GIT2: variants seen among roughly 807,000 people sequenced by gnomAD.
The protein encoded by GIT2 is GIT ArfGAP 2, also known as ARF GTPase-activating protein GIT2.
GIT2 carries 32 observed loss-of-function variants against 100.3 expected under a neutral mutation model. The observed-to-expected ratio is 0.32, with a 90% CI of 0.24 to 0.43. The LOEUF (loss-of-function observed/expected upper bound fraction) is 0.43. GIT2 is among the 20% of genes least tolerant of loss of function. The probability of loss-of-function intolerance (pLI) is 1.00; values close to 1 mark genes in which losing one functional copy is unlikely to be tolerated. For synonymous variants in GIT2, 353 were observed against 364.1 expected, an observed-to-expected ratio of 0.97 and a Z score of 0.35; for missense variants, 737 against 975.1, an observed-to-expected ratio of 0.76 and a Z score of 3.25.
At chr12:109,959,819 G>C (rs771327005) in intron 12 of GIT2, 28 bp downstream of exon 12, 8 of 1,343,454 alleles carry the variant, frequency 6.0e-6, no homozygotes, top group African/African-American at 1.4e-5. Context: ...GCCAAAAAAT[G>C]CAAGTGTTTG....
chr12:109,933,235 C>T lies in GIT2; in HGVS notation c.2068-45G>A, dbSNP rs376672294. ...CGTTTACCCTGAACTGCAGGGCAGA[C>T]ATCCAAAAGCAGGGGACAAACATTC... On this transcript the variant is annotated intron_variant, in intron 19 of 19. Transcript: ENST00000355312. This position sits in a 1 kb window ranked among gnomAD's most constrained non-coding sequence, Gnocchi z 4.5. 1.2e-4 allele frequency: 132 copies of T among 1,115,486 alleles called. No individual in the cohort carries two copies. The highest frequency in any genetic ancestry group is 1.7e-4 in the Non-Finnish European group (127 of 752,246). 69.1% of individuals were successfully genotyped at this position (1,115,486 alleles called of 1,614,324 possible).
intron 16 of GIT2, among the ~76,000 whole-genome samples, chr12:109,942,176 G>GGT (rs141974290): frequency 2.0e-5 from 3 of 151,748 alleles, no homozygotes; most frequent in Non-Finnish European, 2.9e-5. Flanking sequence ...CCCACACAGA[G>GGT]GTGTGTGTGT....
Position 109,933,247 on chromosome 12 carries a change from G to C in GIT2, c.2068-57C>G. ...ACTGCAGGGCAGACATCCAAAAGCA[G>C]GGGACAAACATTCTTCTAAAGCAAA... is the stretch of plus-strand genomic sequence containing the variant. On this transcript the variant is annotated intron_variant, in intron 19 of 19. Transcript: ENST00000355312. The surrounding 1 kb of genome is among the most constrained non-coding windows in gnomAD (Gnocchi z 4.5). 1.9e-6 allele frequency: 2 copies of C among 1,026,680 alleles called. No individual in the cohort carries two copies. Among genetic ancestry groups the C allele is most frequent in the Non-Finnish European group, 3.0e-6 (2 of 673,112 alleles). The allele number at this position is 1,026,680 out of a possible 1,614,324, so 63.6% of individuals were successfully genotyped here.
chr12:109,993,556 G>A (rs565224605), intron 1 of GIT2, among the ~76,000 whole-genome samples: 1 of 152,288 alleles, frequency 6.6e-6, no homozygotes, highest in East Asian at 1.9e-4. Flanking sequence ...TTACTTGAGT[G>A]TTTTCACCAT....
At chr12:109,985,199 C>T (rs1334111514) in intron 4 of GIT2, among the ~76,000 whole-genome samples, 1 of 152,038 alleles carries the variant, frequency 6.6e-6, no homozygotes, top group Non-Finnish European at 1.5e-5. Flanking sequence ...AACTCCTTGG[C>T]TCAAGCAACC....
At chr12:109,945,716 T>G (rs975653691) in intron 15 of GIT2, among the ~76,000 whole-genome samples, 4 of 152,240 alleles carry the variant, frequency 2.6e-5, no homozygotes, top group Non-Finnish European at 5.9e-5. Flanking sequence ...AATCTAATTT[T>G]TAGTACAATT....
Position 109,933,441 on chromosome 12 carries a change from G to T in GIT2, c.2068-251C>A. 2.5e-6 allele frequency: 1 copy of T among 397,780 alleles called. No individual in the cohort carries two copies. The highest frequency in any genetic ancestry group is 5.2e-5 in the South Asian group (1 of 19,190). 24.6% of individuals were successfully genotyped at this position (397,780 alleles called of 1,614,324 possible). Reference sequence around the variant, plus strand: ...TAGTAGTATGTGGTATTTTGAAGTAGTTTTTGAAAAATATTAATCCATGTG... The same window carrying T: ...TAGTAGTATGTGGTATTTTGAAGTATTTTTTGAAAAATATTAATCCATGTG... On this transcript the variant is annotated intron_variant, in intron 19 of 19. Transcript: ENST00000355312. The surrounding 1 kb of genome is among the most constrained non-coding windows in gnomAD (Gnocchi z 4.5).
Position 109,948,983 on chromosome 12 carries a change from T to G in GIT2, c.1393-1479A>C. ...AATTCCATATACTTTATATTAATCA[T>G]GCCAAACTGCTGTGAAAGTGTGACT... On this transcript the variant is annotated intron_variant, in intron 14 of 19. Transcript: ENST00000355312. This position sits in a 1 kb window ranked among gnomAD's most constrained non-coding sequence, Gnocchi z 4.3. 1.6e-6 allele frequency: 1 copy of G among 617,980 alleles called. No individual in the cohort carries two copies. The highest frequency in any genetic ancestry group is 2.8e-6 in the Non-Finnish European group (1 of 359,764). The allele number at this position is 617,980 out of a possible 1,614,324, so 38.3% of individuals were successfully genotyped here.
chr12:109,991,552 G>A, intron 2 of GIT2, 75 bp downstream of exon 2: 1 of 1,177,222 alleles, frequency 8.5e-7, no homozygotes, highest in South Asian at 1.3e-5. Context: ...AGTACACCAG[G>A]AGAAATTTAA....
intron 7 of GIT2, among the ~76,000 whole-genome samples, chr12:109,978,603 C>T (rs1566000416): frequency 6.6e-6 from 1 of 152,088 alleles, no homozygotes; most frequent in African/African-American, 2.4e-5. Flanking sequence ...AATTCATTGA[C>T]TTTCTTTGTC....
chr12:109,952,442 C>G (rs1323402845), intron 13 of GIT2: 10 of 514,462 alleles, frequency 1.9e-5, no homozygotes, highest in Admixed American at 1.6e-4. Flanking sequence ...CCAGAAGAGT[C>G]CTCCCCAGAC....
rs1333335870 is a variant in GIT2 at position 109,951,177 on chromosome 12, A to G, written c.1382T>C (p.Met461Thr). The G allele has an allele frequency of 6.2e-7, 1 of 1,613,730 alleles. No individual in the cohort carries two copies. The highest frequency in any genetic ancestry group is 8.5e-7 in the Non-Finnish European group (1 of 1,179,658). ...NNNLSDELRI[M>T]QKKLQTLQSE... ...TTATTAACATGTTACCTTTTTCTGC[A>G]TAATTCTCAGCTCGTCACTCAAGTT... The change falls in exon 14 of 20, where the codon ATG becomes ACG. Residue 461 changes from methionine (M) to threonine (T), a missense_variant. Transcript: ENST00000355312.
At position 109,968,711 on chromosome 12, in the gene GIT2, C is replaced by T. The variant is rs1057132213; in HGVS notation, c.719-1208G>A. ...GTGCTGGGATTACAGGTGTGAGCCA[C>T]TGTGCCCAGCTTATTTATTTATTTT... On this transcript the variant is annotated intron_variant, in intron 7 of 19. Transcript: ENST00000355312. 2.9e-4 allele frequency among the ~76,000 whole-genome samples: 44 copies of T among 151,868 alleles called. 1 individual carries two copies. The highest frequency in any genetic ancestry group is 5.9e-4 in the Non-Finnish European group (40 of 67,996).
intron 8 of GIT2, among the ~76,000 whole-genome samples, chr12:109,966,762 C>T (rs768214202): frequency 3.3e-5 from 5 of 152,120 alleles, no homozygotes; most frequent in African/African-American, 9.7e-5. Context: ...TTGACAGTTT[C>T]CGTGCAAAGG....
intron 16 of GIT2, chr12:109,940,060 T>C (rs1874247071): frequency 6.6e-6 from 1 of 152,252 alleles, no homozygotes; most frequent in Non-Finnish European, 1.5e-5. Context: ...CCAGGTCTCC[T>C]GCCTCCTGCT....
intron 5 of GIT2, 31 bp downstream of exon 5, chr12:109,983,577 T>G (rs1411609033): frequency 1.9e-6 from 3 of 1,592,742 alleles, no homozygotes; most frequent in Non-Finnish European, 2.6e-6. Flanking sequence ...TCACTTAGTT[T>G]CAATATCTGA....
chr12:109,976,542 C>T (rs1173357464), intron 7 of GIT2, among the ~76,000 whole-genome samples: 1 of 151,430 alleles, frequency 6.6e-6, no homozygotes. Flanking sequence ...CCTCGGCCTC[C>T]CAAAGTGCTG....
chr12:109,936,231 A>G (rs1366166607), intron 18 of GIT2, among the ~76,000 whole-genome samples: 1 of 152,078 alleles, frequency 6.6e-6, no homozygotes, highest in Non-Finnish European at 1.5e-5. Flanking sequence ...GCTAATGATT[A>G]AAATCTCTGC....
At chr12:109,996,115 G>T in intron 1 of GIT2, 58 bp downstream of exon 1, 1 of 1,145,316 alleles carries the variant, frequency 8.7e-7, no homozygotes, top group Non-Finnish European at 1.2e-6. Flanking sequence ...GGGCGGCCCC[G>T]GGGTAGGGGT....
Sources: allele counts gnomAD v4.1 joint callset (sites outside exome capture counted in the v4.1 genomes callset), GRCh38; gene constraint gnomAD v4.1.1; non-coding constraint Gnocchi (gnomAD v3.1); transcripts MANE v1.5; gene names NCBI Gene and HGNC (gene_info 2026-07-23, HGNC 2026-07-21).